Variants in RNF13 observed in about 807,000 individuals in gnomAD.
RNF13 encodes E3 ubiquitin-protein ligase RNF13.
A neutral mutation model predicts 37.7 loss-of-function variants in RNF13; 19 were observed. The ratio of observed to expected loss-of-function variants is 0.50; its 90% CI spans 0.35 to 0.74. RNF13 has a LOEUF of 0.74. Ranked by LOEUF, RNF13 falls within the 30% of genes least tolerant of loss-of-function variation. The pLI, the probability that RNF13 is intolerant of heterozygous loss-of-function variation, is 0.01. For synonymous variants in RNF13, 144 were observed against 157.8 expected (o/e 0.91, Z 0.65); for missense variants, 375 against 453.0 (o/e 0.83, Z 1.56).
Position 149,874,379 on chromosome 3 carries a change from G to A in RNF13, c.321+2225G>A, listed in dbSNP as rs967729105. The stretch of plus-strand genomic sequence containing the variant: ...ATTATTTACTAGCAGTATGATCTTG[G>A]ACAAGTTATTTTACCTCTGTGTGCC... On this transcript the variant is annotated intron_variant, in intron 4 of 9. Transcript: ENST00000392894. Among the ~76,000 whole-genome samples the A allele has an allele frequency of 3.9e-5, 6 of 151,986 alleles. 1 individual carries two copies. The highest frequency in any genetic ancestry group is 7.4e-5 in the Non-Finnish European group (5 of 67,962).
intron 6 of RNF13, among the ~76,000 whole-genome samples, chr3:149,909,575 G>A (rs1716778716): frequency 6.6e-6 from 1 of 151,232 alleles, no homozygotes; most frequent in African/African-American, 2.4e-5. Context: ...TTACAGGCAA[G>A]ATGCTCAAAA....
intron 6 of RNF13, among the ~76,000 whole-genome samples, chr3:149,908,447 G>T (rs1469697881): frequency 6.6e-6 from 1 of 152,158 alleles, no homozygotes; most frequent in Non-Finnish European, 1.5e-5. Flanking sequence ...CAGGCCCATT[G>T]ACTGTATCAC....
chr3:149,912,274 G>A (rs774519043), intron 7 of RNF13, among the ~76,000 whole-genome samples, 191 bp downstream of exon 7: 68 of 152,100 alleles, frequency 4.5e-4, no homozygotes, highest in Non-Finnish European at 7.6e-4. Flanking sequence ...TTCCTCTGCC[G>A]CGGGGGGTTA....
chr3:149,849,666 G>A (rs183127244), intron 2 of RNF13, among the ~76,000 whole-genome samples: 1 of 152,298 alleles, frequency 6.6e-6, no homozygotes, highest in African/African-American at 2.4e-5. Flanking sequence ...ATTTACCAGA[G>A]CTTGTTATTT....
At chr3:149,953,635 C>T (rs1000568551) in intron 8 of RNF13, among the ~76,000 whole-genome samples, 8 of 152,102 alleles carry the variant, frequency 5.3e-5, no homozygotes, top group African/African-American at 1.9e-4. Flanking sequence ...ACATACATAA[C>T]CTAGGAGGCA....
intron 4 of RNF13, among the ~76,000 whole-genome samples, chr3:149,889,064 G>A (rs140686429): frequency 0.016 from 2,360 of 147,412 alleles, 61 homozygotes; most frequent in African/African-American, 0.056. Context: ...TCAGCCTCCC[G>A]AGTAGCTGGG....
intron 1 of RNF13, among the ~76,000 whole-genome samples, chr3:149,824,826 T>C (rs549516475): frequency 3.3e-5 from 5 of 151,916 alleles, no homozygotes; most frequent in Admixed American, 2.6e-4. Context: ...TTTTTTTTTT[T>C]AATTTAACTT....
intron 4 of RNF13, among the ~76,000 whole-genome samples, chr3:149,888,312 T>C (rs73870466): frequency 0.027 from 4,037 of 152,330 alleles, 69 homozygotes; most frequent in South Asian, 0.036. Context: ...TTTGTACTTA[T>C]AAAAATGTTG....
At chr3:149,908,295 T>C (rs1716636371) in intron 6 of RNF13, among the ~76,000 whole-genome samples, 1 of 152,128 alleles carries the variant, frequency 6.6e-6, no homozygotes, top group Admixed American at 6.6e-5. Flanking sequence ...GGGTGTGGCC[T>C]TTGGGAGGGT....
intron 1 of RNF13, among the ~76,000 whole-genome samples, chr3:149,819,872 G>A (rs1384741876): frequency 6.6e-6 from 1 of 152,062 alleles, no homozygotes; most frequent in Non-Finnish European, 1.5e-5. Context: ...GAAGGTATTT[G>A]TTATTTCTAG....
At chr3:149,866,973 C>T (rs1219935549) in intron 3 of RNF13, among the ~76,000 whole-genome samples, 1 of 152,088 alleles carries the variant, frequency 6.6e-6, no homozygotes, top group African/African-American at 2.4e-5. Flanking sequence ...GTTCCATGTG[C>T]TGATAAAAAT....
At position 149,946,119 on chromosome 3, in the gene RNF13, G is replaced by A. The variant is rs568338579; in HGVS notation, c.701-13937G>A. Among the ~76,000 whole-genome samples, 25 of 152,314 alleles carry A rather than the reference G, an allele frequency of 1.6e-4. No individual in the cohort carries two copies. The South Asian group carries it at 2.7e-3, about 16-fold the overall frequency. ...AGGCTTCAGACGATCAAATTTCTCC[G>A]AGCTAAAGGAGGAAGTGCGAACCCA... On this transcript the variant is annotated intron_variant, in intron 8 of 9. Transcript: ENST00000392894.
intron 8 of RNF13, among the ~76,000 whole-genome samples, chr3:149,934,040 TA>T (rs992700229): frequency 4.7e-4 from 71 of 152,322 alleles, no homozygotes; most frequent in African/African-American, 1.7e-3. Context: ...GACTTTTAAT[TA>T]CTGTTTCAGT....
intron 8 of RNF13, among the ~76,000 whole-genome samples, chr3:149,954,917 C>T (rs1305599463): frequency 6.6e-6 from 1 of 152,098 alleles, no homozygotes; most frequent in Non-Finnish European, 1.5e-5. Flanking sequence ...TAATGTATTT[C>T]TCCAAGTCTA....
intron 4 of RNF13, among the ~76,000 whole-genome samples, chr3:149,874,609 T>C (rs949243606): frequency 2.0e-5 from 3 of 152,176 alleles, no homozygotes; most frequent in African/African-American, 7.2e-5. Flanking sequence ...GCAAAATTCC[T>C]GACTTTTCAG....
chr3:149,867,865 G>A (rs1711538783), intron 3 of RNF13, among the ~76,000 whole-genome samples: 1 of 151,596 alleles, frequency 6.6e-6, no homozygotes, highest in Non-Finnish European at 1.5e-5. Flanking sequence ...CTTTCTTACT[G>A]TCTTCCTTTG....
At chr3:149,954,857 A>G (rs1019713512) in intron 8 of RNF13, among the ~76,000 whole-genome samples, 1 of 152,164 alleles carries the variant, frequency 6.6e-6, no homozygotes, top group Admixed American at 6.5e-5. Flanking sequence ...GTCCTCAAAA[A>G]TTGCTCTTCA....
rs549467895 is a variant in RNF13, at chr3:149,956,950, T to G, written c.701-3106T>G. On this transcript the variant is annotated intron_variant, in intron 8 of 9. Coordinates refer to ENST00000392894, the MANE Select transcript of RNF13 (RefSeq NM_183381.3). ...CTCAGTTATGAAAACCAAAACTGTT[T>G]CCAGATATCACCAAATGTCCTTTGG... is the stretch of plus-strand genomic sequence containing the variant. Among the ~76,000 whole-genome samples, 19 of 152,320 alleles carry G rather than the reference T, an allele frequency of 1.2e-4. No individual in the cohort carries two copies. In the South Asian group the frequency reaches 3.9e-3, roughly 32 times the overall value.
chr3:149,947,331 T>C (rs1020885582), intron 8 of RNF13, among the ~76,000 whole-genome samples: 1 of 152,136 alleles, frequency 6.6e-6, no homozygotes, highest in African/African-American at 2.4e-5. Context: ...TCTGTCTGGT[T>C]GTTCTATTCT....
Sources: allele counts gnomAD v4.1 joint callset (sites outside exome capture counted in the v4.1 genomes callset), GRCh38; gene constraint gnomAD v4.1.1; transcripts MANE v1.5; gene names NCBI Gene and HGNC (gene_info 2026-07-23, HGNC 2026-07-21).